Variants in SFXN5 observed in about 807,000 individuals in gnomAD.
The protein encoded by SFXN5 is sideroflexin 5.
Under a neutral mutation model 50.2 loss-of-function variants are expected in SFXN5, and 43 were observed. The ratio of observed to expected loss-of-function variants is 0.86; its 90% CI spans 0.67 to 1.11. SFXN5 has a LOEUF of 1.11. Among genes scored for constraint, SFXN5 ranks in the 50% least tolerant of loss-of-function variants. The pLI is 0.00. For synonymous variants in SFXN5, 203 were observed against 185.8 expected (o/e 1.09, Z -0.75); for missense variants, 463 against 454.1 (o/e 1.02, Z -0.18).
In SFXN5 at chr2:73,058,614, A is replaced by G. The variant is rs763529696; in HGVS notation, c.103-18T>C. ...AAGGACGTCTGAAGAAGAGGATGAG[A>G]GAGAAGAGTGAATGGATCAGCTGCT... On this transcript the variant is annotated intron_variant, in intron 1 of 13. Coordinates refer to ENST00000272433, the MANE Select transcript of SFXN5 (RefSeq NM_144579.3). 36 of 1,612,328 alleles carry G rather than the reference A, an allele frequency of 2.2e-5. No individual in the cohort carries two copies. Among genetic ancestry groups the G allele is most frequent in the Non-Finnish European group, 2.8e-5 (33 of 1,178,414 alleles).
chr2:72,996,670 A>C (rs1037428123), intron 9 of SFXN5: 5 of 151,856 alleles, frequency 3.3e-5, no homozygotes, highest in Non-Finnish European at 5.9e-5. Flanking sequence ...CACCACACCT[A>C]ATTTTTTTTG....
chr2:72,988,046 A>G (rs1672121090), intron 10 of SFXN5, among the ~76,000 whole-genome samples: 1 of 152,282 alleles, frequency 6.6e-6, no homozygotes, highest in Non-Finnish European at 1.5e-5. Context: ...CTGCAGCCTA[A>G]GAACCCCTAT....
At chr2:73,030,327 C>A (rs1408260105) in intron 3 of SFXN5, among the ~76,000 whole-genome samples, 3 of 151,994 alleles carry the variant, frequency 2.0e-5, no homozygotes, top group African/African-American at 7.2e-5. Flanking sequence ...ATTCTTCCGA[C>A]CAAAACCCTT....
chr2:73,033,979 C>A (rs1043419067), intron 3 of SFXN5, among the ~76,000 whole-genome samples: 14 of 152,160 alleles, frequency 9.2e-5, no homozygotes, highest in African/African-American at 3.1e-4. Context: ...GCTCCAAATG[C>A]CAATCGTGCC....
At chr2:73,005,251 C>T (rs1251005020) in intron 6 of SFXN5, among the ~76,000 whole-genome samples, 1 of 152,214 alleles carries the variant, frequency 6.6e-6, no homozygotes, top group Non-Finnish European at 1.5e-5. Flanking sequence ...ATTTATAGTT[C>T]ATAACATGGC....
intron 13 of SFXN5, among the ~76,000 whole-genome samples, chr2:72,947,836 C>G (rs1672135944): frequency 6.6e-6 from 1 of 151,494 alleles, no homozygotes; most frequent in African/African-American, 2.4e-5. Flanking sequence ...CCTGCCACCC[C>G]CAGTCCCCTC....
chr2:73,014,827 C>T (rs927228959), intron 6 of SFXN5, among the ~76,000 whole-genome samples: 1 of 152,086 alleles, frequency 6.6e-6, no homozygotes, highest in Admixed American at 6.5e-5. Context: ...TATAGGCATA[C>T]AAAATTTTTT....
intron 1 of SFXN5, 129 bp downstream of exon 1, chr2:73,071,475 C>G (rs975527500): frequency 8.3e-5 from 65 of 784,278 alleles, no homozygotes; most frequent in Admixed American, 5.8e-4. Flanking sequence ...GAGGTTCCCC[C>G]CCTGGCGCTA....
intron 3 of SFXN5, among the ~76,000 whole-genome samples, chr2:73,037,041 G>A (rs1041410777): frequency 3.9e-5 from 6 of 152,218 alleles, no homozygotes; most frequent in Admixed American, 1.3e-4. Flanking sequence ...TGCTGCTTCC[G>A]CTCATGCATT....
At position 73,071,692 on chromosome 2, in the gene SFXN5, G is replaced by T; in HGVS notation, c.14C>A (p.Ala5Glu). The T allele has an allele frequency of 6.2e-7, 1 of 1,612,742 alleles. No individual in the cohort carries two copies. The highest frequency in any genetic ancestry group is 8.5e-7 in the Non-Finnish European group (1 of 1,179,826). The change falls in exon 1 of 14, where the codon GCG becomes GAG. Residue 5 changes from alanine (A) to glutamate (E), a missense_variant. Coordinates refer to ENST00000272433, the MANE Select transcript of SFXN5 (RefSeq NM_144579.3). ...AGCCGCCGCCGCCGATGCTGTAGTCGCTGTATCCGCCATGGCCACTGACGC... is the reference window on the plus strand; with the variant it reads ...AGCCGCCGCCGCCGATGCTGTAGTCTCTGTATCCGCCATGGCCACTGACGC... MADT[A>E]TTASAAAASA...
intron 3 of SFXN5, among the ~76,000 whole-genome samples, chr2:73,026,126 C>CTTTTTTTT (rs759334127): frequency 0.021 from 2,857 of 132,908 alleles, 217 homozygotes; most frequent in Admixed American, 0.04. Flanking sequence ...TGTGTGGCTG[C>CTTTTTTTT]TTTTTTTTTT....
At chr2:73,060,136 A>G (rs1682629534) in intron 1 of SFXN5, among the ~76,000 whole-genome samples, 1 of 152,252 alleles carries the variant, frequency 6.6e-6, no homozygotes, top group African/African-American at 2.4e-5. Flanking sequence ...ATCCTGGTCC[A>G]CTAACAGAGA....
chr2:73,038,225 C>T (rs1248417073), intron 3 of SFXN5, among the ~76,000 whole-genome samples: 1 of 152,208 alleles, frequency 6.6e-6, no homozygotes, highest in Non-Finnish European at 1.5e-5. Flanking sequence ...ATATAGGCAA[C>T]TATAACACAA....
At chr2:72,991,726 A>G (rs1333363015) in intron 9 of SFXN5, among the ~76,000 whole-genome samples, 1 of 152,226 alleles carries the variant, frequency 6.6e-6, no homozygotes, top group East Asian at 1.9e-4. Context: ...TAAAAAGCCA[A>G]GAGGCTGGTG....
chr2:72,962,894 G>A (rs762674709), intron 12 of SFXN5, among the ~76,000 whole-genome samples: 3 of 152,160 alleles, frequency 2.0e-5, no homozygotes, highest in Non-Finnish European at 4.4e-5. Context: ...TTGAGCAGTA[G>A]GACCAAGGTG....
At chr2:72,968,575 TG>T in intron 11 of SFXN5, 42 bp from the exon 12 acceptor site, 1 of 1,591,820 alleles carries the variant, frequency 6.3e-7, no homozygotes, top group Non-Finnish European at 8.6e-7. Flanking sequence ...GCCTGACAGC[TG>T]GTGACAGGAC....
At chr2:73,008,669 G>GT (rs1675081513) in intron 6 of SFXN5, among the ~76,000 whole-genome samples, 1 of 152,176 alleles carries the variant, frequency 6.6e-6, no homozygotes, top group African/African-American at 2.4e-5. Flanking sequence ...ACGCTGGCGG[G>GT]TTTTTTCTGG....
chr2:72,974,349 G>A (rs556267387), intron 10 of SFXN5, among the ~76,000 whole-genome samples: 12 of 152,200 alleles, frequency 7.9e-5, no homozygotes, highest in African/African-American at 1.9e-4. Flanking sequence ...TTAAACATGC[G>A]GCGAGCAGGA....
intron 12 of SFXN5, 61 bp downstream of exon 12, chr2:72,968,387 C>A: frequency 3.5e-6 from 5 of 1,421,452 alleles, no homozygotes; most frequent in Non-Finnish European, 4.9e-6. Context: ...CCAGCCGGTT[C>A]CCCCTCCCTC....
Sources: allele counts gnomAD v4.1 joint callset (sites outside exome capture counted in the v4.1 genomes callset), GRCh38; gene constraint gnomAD v4.1.1; transcripts MANE v1.5; gene names NCBI Gene and HGNC (gene_info 2026-07-23, HGNC 2026-07-21).